The following TSTD2 variants were observed in gnomAD, a reference collection of about 807,000 sequenced individuals.
TSTD2 encodes the protein thiosulfate sulfurtransferase like domain containing 2.
TSTD2 carries 37 observed loss-of-function variants against 47.9 expected under a neutral mutation model. The ratio of observed to expected loss-of-function variants is 0.77; its 90% CI spans 0.59 to 1.02. TSTD2 has a LOEUF of 1.02. Ranked by LOEUF, TSTD2 falls within the 50% of genes least tolerant of loss-of-function variation. TSTD2 has a pLI of 0.00. For synonymous variants in TSTD2, 201 were observed against 215.9 expected (o/e 0.93, Z 0.61); for missense variants, 586 against 616.0 (o/e 0.95, Z 0.52).
intron 1 of TSTD2, among the ~76,000 whole-genome samples, chr9:97,629,669 A>G (rs1170568924): frequency 2.0e-5 from 3 of 152,250 alleles, no homozygotes; most frequent in Non-Finnish European, 2.9e-5. Context: ...GCAGAAGTAA[A>G]ATAAGTAGAA....
rs779191074 is a variant in TSTD2 at position 97,611,596 on chromosome 9, T to A, written c.707A>T (p.Asp236Val). ...VMLSFPLFKDDLCKDDFKTSK... is the reference protein window; with the variant it reads ...VMLSFPLFKDVLCKDDFKTSK... ...TACCTTAAAATCATCTTTACACAGG[T>A]CATCCTTAAACAATGGGAAGGAAAG... Residue 236 changes from aspartate (D) to valine (V), a missense_variant, in exon 5 of 10, where the codon GAC becomes GTC. Physicochemically the swap from Asp to Val is radical, Grantham distance 152. Coordinates refer to ENST00000341170, the MANE Select transcript of TSTD2 (RefSeq NM_139246.5). 4.4e-6 allele frequency: 7 copies of A among 1,605,236 alleles called. No homozygotes were observed. The highest frequency in any genetic ancestry group is 5.1e-6 in the Non-Finnish European group (6 of 1,172,450).
In TSTD2 at chr9:97,605,697, CA is replaced by C. The variant is rs1826354240; in HGVS notation, c.955-57del. 5 of 1,609,470 alleles carry C rather than the reference CA, an allele frequency of 3.1e-6. No individual in the cohort carries two copies. In the Admixed American group the frequency reaches 5.0e-5, roughly 16 times the overall value. ...ATCAGAAAAACATACCTGGTAGGAA[CA>C]AAGGTTCTTTTTGTACCCAACAAAC... On this transcript the variant is annotated intron_variant, in intron 7 of 9. Coordinates refer to ENST00000341170, the MANE Select transcript of TSTD2 (RefSeq NM_139246.5).
chr9:97,617,710 A>T (rs774240947), intron 4 of TSTD2, 47 bp downstream of exon 4: 1 of 1,563,898 alleles, frequency 6.4e-7, no homozygotes, highest in East Asian at 2.3e-5. Context: ...CAAGGTTGGC[A>T]GGCAAGATGG....
chr9:97,614,627 C>A (rs1363755867), intron 4 of TSTD2, among the ~76,000 whole-genome samples: 1 of 152,140 alleles, frequency 6.6e-6, no homozygotes, highest in African/African-American at 2.4e-5. Context: ...GAGCCGAGAT[C>A]TGAAGTGGGG....
chr9:97,610,970 C>T (rs1389788118), intron 5 of TSTD2: 1 of 152,494 alleles, frequency 6.6e-6, no homozygotes, highest in African/African-American at 2.4e-5. Context: ...CTAATATGTC[C>T]AAGATTTGGA....
chr9:97,608,212 G>A (rs1406241194), intron 6 of TSTD2, among the ~76,000 whole-genome samples: 1 of 152,108 alleles, frequency 6.6e-6, no homozygotes, highest in Non-Finnish European at 1.5e-5. Flanking sequence ...GAAAAGCATG[G>A]AAATGTGCTA....
intron 1 of TSTD2, among the ~76,000 whole-genome samples, chr9:97,632,548 A>C (rs1018036599): frequency 3.7e-5 from 3 of 81,936 alleles, no homozygotes; most frequent in African/African-American, 6.3e-5. Flanking sequence ...AGGCTCAGCT[A>C]ATTTTTTTTT....
At position 97,600,218 on chromosome 9, in the gene TSTD2, A is replaced by G; in HGVS notation, c.*2251T>C. On this transcript the variant is annotated 3_prime_UTR_variant, in exon 10 of 10. Coordinates refer to ENST00000341170, the MANE Select transcript of TSTD2 (RefSeq NM_139246.5). ...AGTTGCCAAATTGATTACTGGATCC[A>G]GAACACAATTTTCCCCTCAGAACAG... is the stretch of plus-strand genomic sequence containing the variant. The G allele has an allele frequency of 1.0e-6, 1 of 994,474 alleles. No homozygotes were observed. Among genetic ancestry groups the G allele is most frequent in the Non-Finnish European group, 1.2e-6 (1 of 834,452 alleles). 61.6% of individuals were successfully genotyped at this position (994,474 alleles called of 1,614,324 possible).
In TSTD2 at chr9:97,600,241, CAGAT is replaced by C. The variant is rs776079138; in HGVS notation, c.*2224_*2227del. Reference sequence around the variant, plus strand: ...CCAGAACACAATTTTCCCCTCAGAACAGATAGACAGACTGAAGCCACTGAACTCT... The same window carrying C: ...CCAGAACACAATTTTCCCCTCAGAACAGACAGACTGAAGCCACTGAACTCT... On this transcript the variant is annotated 3_prime_UTR_variant, in exon 10 of 10. Transcript: ENST00000341170. The C allele has an allele frequency of 1.0e-6, 1 of 988,348 alleles. No individual in the cohort carries two copies. The highest frequency in any genetic ancestry group is 1.2e-6 in the Non-Finnish European group (1 of 831,564). The allele number at this position is 988,348 out of a possible 1,614,324, so 61.2% of individuals were successfully genotyped here.
Position 97,602,321 on chromosome 9 carries a change from G to A in TSTD2, c.*148C>T, listed in dbSNP as rs1472166698. The A allele has an allele frequency of 2.2e-6, 2 of 905,184 alleles. No individual in the cohort carries two copies. The highest frequency in any genetic ancestry group is 1.7e-5 in the African/African-American group (1 of 59,226). The allele number at this position is 905,184 out of a possible 1,614,324, so 56.1% of individuals were successfully genotyped here. A position where few individuals can be genotyped will look rare whatever the true frequency, so the allele number is the denominator to read the frequency against. ...TAGACAACGTGACTCCTCCCCTCCC[G>A]CTGTGAAGTGTAGACGGCTGCCACG... On this transcript the variant is annotated 3_prime_UTR_variant, in exon 10 of 10. Coordinates refer to ENST00000341170, the MANE Select transcript of TSTD2 (RefSeq NM_139246.5).
At chr9:97,614,088 A>G (rs1826503056) in intron 4 of TSTD2, among the ~76,000 whole-genome samples, 1 of 152,200 alleles carries the variant, frequency 6.6e-6, no homozygotes, top group African/African-American at 2.4e-5. Flanking sequence ...TCGGCCTTCC[A>G]AAGTGCTGGG....
chr9:97,632,126 T>C (rs920694671), intron 1 of TSTD2, among the ~76,000 whole-genome samples: 2 of 152,112 alleles, frequency 1.3e-5, no homozygotes, highest in African/African-American at 4.8e-5. Context: ...ATTCGTTGAA[T>C]GAAATAAAAC....
chr9:97,633,001 A>G (rs1215704529), intron 1 of TSTD2, among the ~76,000 whole-genome samples: 2 of 152,254 alleles, frequency 1.3e-5, no homozygotes, highest in African/African-American at 4.8e-5. Flanking sequence ...AACCCTTGAA[A>G]ACAGATTACT....
chr9:97,611,827 A>G lies in TSTD2; in HGVS notation c.604-128T>C, dbSNP rs992433483. 1.1e-5 allele frequency: 10 copies of G among 875,740 alleles called. No homozygotes were observed. In the African/African-American group the frequency reaches 1.3e-4, roughly 12 times the overall value. 54.2% of individuals were successfully genotyped at this position (875,740 alleles called of 1,614,324 possible). On this transcript the variant is annotated intron_variant, in intron 4 of 9. Transcript: ENST00000341170. ...AAGCAGAGACGCTGATGAGGACACC[A>G]AAGTGTTACTGGACAAAGATATCTG... is the stretch of plus-strand genomic sequence containing the variant.
In TSTD2 at chr9:97,604,841, G is replaced by A. The variant is rs765340958; in HGVS notation, c.1138C>T (p.Leu380Phe). Reference protein sequence around the residue: ...AKGVCKEVFQLKGGIHKYLEE... With the variant: ...AKGVCKEVFQFKGGIHKYLEE... The stretch of plus-strand genomic sequence containing the variant: ...AGGTACTTGTGGATGCCACCCTTGA[G>A]CTGGAACACCTCCTTGCACACTCCC... Residue 380 changes from leucine (L) to phenylalanine (F), a missense_variant, in exon 9 of 10, where the codon CTC becomes TTC. Coordinates refer to ENST00000341170, the MANE Select transcript of TSTD2 (RefSeq NM_139246.5). 1.9e-6 allele frequency: 3 copies of A among 1,614,178 alleles called. No individual in the cohort carries two copies. The highest frequency in any genetic ancestry group is 2.5e-6 in the Non-Finnish European group (3 of 1,180,020).
At chr9:97,629,826 T>A (rs59791764) in intron 1 of TSTD2, among the ~76,000 whole-genome samples, 2 of 151,980 alleles carry the variant, frequency 1.3e-5, no homozygotes, top group Non-Finnish European at 2.9e-5. Context: ...TAGAAACAGA[T>A]AACTTATTTA....
rs1266428021 is a variant in TSTD2, at chr9:97,601,123, G to A, written c.*1346C>T. The A allele has an allele frequency of 1.5e-6, 2 of 1,304,292 alleles. No individual in the cohort carries two copies. Among genetic ancestry groups the A allele is most frequent in the South Asian group, 1.2e-5 (1 of 81,024 alleles). 80.8% of individuals were successfully genotyped at this position (1,304,292 alleles called of 1,614,324 possible). ...CTATGGAAGAGTGTCCACTGAGGCTGCACATGGCCCAGGAGTGGCACCATG... is the reference window on the plus strand; with the variant it reads ...CTATGGAAGAGTGTCCACTGAGGCTACACATGGCCCAGGAGTGGCACCATG... On this transcript the variant is annotated 3_prime_UTR_variant, in exon 10 of 10. Transcript: ENST00000341170.
Position 97,602,321 on chromosome 9 carries a change from G to T in TSTD2, c.*148C>A. ...TAGACAACGTGACTCCTCCCCTCCC[G>T]CTGTGAAGTGTAGACGGCTGCCACG... On this transcript the variant is annotated 3_prime_UTR_variant, in exon 10 of 10. Coordinates refer to ENST00000341170, the MANE Select transcript of TSTD2 (RefSeq NM_139246.5). 2.2e-6 allele frequency: 2 copies of T among 905,302 alleles called. No homozygotes were observed. The highest frequency in any genetic ancestry group is 3.2e-6 in the Non-Finnish European group (2 of 618,060). The allele number at this position is 905,302 out of a possible 1,614,324, so 56.1% of individuals were successfully genotyped here. A position where few individuals can be genotyped will look rare whatever the true frequency, so the allele number is the denominator to read the frequency against.
At position 97,626,000 on chromosome 9, in the gene TSTD2, G is replaced by A. The variant is rs1826714305; in HGVS notation, c.166-3C>T. 6.2e-7 allele frequency: 1 copy of A among 1,603,442 alleles called. No individual in the cohort carries two copies. The highest frequency in any genetic ancestry group is 1.3e-5 in the African/African-American group (1 of 74,210). Reference sequence around the variant, plus strand: ...GTTTTGACAAAAAGGGCAAAGGCCTGCAATTAGATTTCAAATGCTAACACT... The same window carrying A: ...GTTTTGACAAAAAGGGCAAAGGCCTACAATTAGATTTCAAATGCTAACACT... On this transcript the variant is annotated splice_polypyrimidine_tract_variant and splice_region_variant and intron_variant, in intron 2 of 9. Coordinates refer to ENST00000341170, the MANE Select transcript of TSTD2 (RefSeq NM_139246.5).
Sources: allele counts gnomAD v4.1 joint callset (sites outside exome capture counted in the v4.1 genomes callset), GRCh38; gene constraint gnomAD v4.1.1; transcripts MANE v1.5; gene names NCBI Gene and HGNC (gene_info 2026-07-23, HGNC 2026-07-21).